ZNF724: variants seen among roughly 807,000 people sequenced by gnomAD.
ZNF724 encodes the protein zinc finger protein 724, also known as zinc finger protein 724 pseudogene.
ZNF724 carries 14 observed loss-of-function variants against 29.3 expected under a neutral mutation model. That is an observed-to-expected ratio of 0.48 (90% CI 0.32 to 0.75). The LOEUF (loss-of-function observed/expected upper bound fraction) is 0.75, where lower values mean the gene tolerates loss of function less well. Ranked by LOEUF, ZNF724 falls within the 30% of genes least tolerant of loss-of-function variation. The pLI is 0.04. For synonymous variants in ZNF724, 180 were observed against 193.6 expected, an observed-to-expected ratio of 0.93 and a Z score of 0.58; for missense variants, 557 against 571.2, an observed-to-expected ratio of 0.98 and a Z score of 0.25.
intron 1 of ZNF724, among the ~76,000 whole-genome samples, chr19:23,240,836 A>T (rs550403217): frequency 6.6e-6 from 1 of 152,174 alleles, no homozygotes; most frequent in South Asian, 2.1e-4. Flanking sequence ...GTTCAAAACC[A>T]GCCTGACCAA....
intron 3 of ZNF724, among the ~76,000 whole-genome samples, chr19:23,229,041 G>T (rs1971889004): frequency 6.6e-6 from 1 of 151,222 alleles, no homozygotes. Flanking sequence ...CCAGTCTGAG[G>T]AACAGAGTGA....
chr19:23,234,960 C>T (rs559251206), intron 1 of ZNF724, among the ~76,000 whole-genome samples: 1 of 152,194 alleles, frequency 6.6e-6, no homozygotes, highest in Non-Finnish European at 1.5e-5. Context: ...GCACTCTTGT[C>T]ACAACACAAA....
intron 1 of ZNF724, among the ~76,000 whole-genome samples, chr19:23,246,658 G>GAA (rs879693051): frequency 7.2e-6 from 1 of 139,800 alleles, no homozygotes; most frequent in African/African-American, 2.6e-5. Context: ...TGTCTCAGGG[G>GAA]AAAAAAAAAA....
intron 3 of ZNF724, among the ~76,000 whole-genome samples, chr19:23,228,955 T>TG (rs1568340072): frequency 6.7e-6 from 1 of 150,220 alleles, no homozygotes; most frequent in South Asian, 2.1e-4. Flanking sequence ...TCCCAGCTAC[T>TG]GGGGGGCTGA....
chr19:23,224,476 G>C (rs546660894), intron 3 of ZNF724, among the ~76,000 whole-genome samples: 9 of 152,006 alleles, frequency 5.9e-5, no homozygotes, highest in Non-Finnish European at 1.3e-4. Flanking sequence ...TTTCCTTATA[G>C]ACATATAAAT....
intron 1 of ZNF724, 110 bp downstream of exon 1, chr19:23,250,130 C>T (rs906282284): frequency 1.8e-6 from 1 of 549,338 alleles, no homozygotes; most frequent in African/African-American, 1.9e-5. Flanking sequence ...GAACTCAGGG[C>T]GCAGTTTGTG....
rs755898106 is a variant in ZNF724 at position 23,221,939 on chromosome 19, A to T, written c.*446T>A. 6.2e-6 allele frequency: 1 copy of T among 160,922 alleles called. No individual in the cohort carries two copies. The highest frequency in any genetic ancestry group is 1.7e-4 in the South Asian group (1 of 5,774). The allele number at this position is 160,922 out of a possible 1,614,324, so 10.0% of individuals were successfully genotyped here. ...ATACTCTTCTTCACTTTAAAGGCTT[A>T]TATTTTCTGAAAAATCTATTGACAG... On this transcript the variant is annotated 3_prime_UTR_variant, in exon 4 of 4. Coordinates refer to ENST00000418100, the MANE Select transcript of ZNF724 (RefSeq NM_001355404.2).
At chr19:23,249,992 C>G (rs1189984461) in intron 1 of ZNF724, among the ~76,000 whole-genome samples, 1 of 152,176 alleles carries the variant, frequency 6.6e-6, no homozygotes, top group Non-Finnish European at 1.5e-5. Flanking sequence ...GGGAGCAGAG[C>G]TGCCCAGAGA....
At chr19:23,238,474 AAT>A (rs1363026303) in intron 1 of ZNF724, among the ~76,000 whole-genome samples, 1 of 152,268 alleles carries the variant, frequency 6.6e-6, no homozygotes, top group Non-Finnish European at 1.5e-5. Context: ...TTTAGCTGTA[AAT>A]ATGATTTACA....
At chr19:23,236,055 T>C (rs1377351796) in intron 1 of ZNF724, among the ~76,000 whole-genome samples, 1 of 152,196 alleles carries the variant, frequency 6.6e-6, no homozygotes, top group Non-Finnish European at 1.5e-5. Flanking sequence ...TAATTGGTTA[T>C]AATCAATGAC....
rs1400925810 is a variant in ZNF724, at chr19:23,223,523, A to C, written c.722T>G (p.Leu241Arg). ...CGIAFNKSSHLNTHKIIHTGE... is the reference protein window; with the variant it reads ...CGIAFNKSSHRNTHKIIHTGE... ...AGTATGAATTATCTTATGTGTGTTA[A>C]GGTGTGAGGACTTGTTAAAGGCTAT... Residue 241 changes from leucine to arginine, a missense_variant, in exon 4 of 4, where the codon CTT becomes CGT. Transcript: ENST00000418100. 2.7e-6 allele frequency: 2 copies of C among 743,824 alleles called. No individual in the cohort carries two copies. Among genetic ancestry groups the C allele is most frequent in the East Asian group, 2.5e-5 (1 of 39,428 alleles). The allele number at this position is 743,824 out of a possible 1,614,324, so 46.1% of individuals were successfully genotyped here. A position where few individuals can be genotyped will look rare whatever the true frequency, so the allele number is the denominator to read the frequency against.
chr19:23,225,516 G>A (rs1971810754), intron 3 of ZNF724, among the ~76,000 whole-genome samples: 1 of 152,164 alleles, frequency 6.6e-6, no homozygotes, highest in East Asian at 1.9e-4. Flanking sequence ...TGAGGTGGCA[G>A]AATTGCCTGA....
At chr19:23,230,605 C>T (rs181674225) in intron 3 of ZNF724, among the ~76,000 whole-genome samples, 1 of 152,178 alleles carries the variant, frequency 6.6e-6, no homozygotes, top group East Asian at 1.9e-4. Flanking sequence ...AATAGTTTAA[C>T]ACAGAGTTTC....
rs983441488 is a variant in ZNF724 at position 23,223,854 on chromosome 19, T to C, written c.391A>G (p.Asn131Asp). 2 of 779,948 alleles carry C rather than the reference T, an allele frequency of 2.6e-6. No homozygotes were observed. The highest frequency in any genetic ancestry group is 4.8e-6 in the Non-Finnish European group (2 of 417,730). 48.3% of individuals were successfully genotyped at this position (779,948 alleles called of 1,614,324 possible). A position where few individuals can be genotyped will look rare whatever the true frequency, so the allele number is the denominator to read the frequency against. The change falls in exon 4 of 4, where the codon AAT becomes GAT. Residue 131 changes from asparagine (N) to aspartate (D), a missense_variant. By Grantham distance (23) the Asn-to-Asp change is conservative. Around this residue, in one of 3 missense-constraint regions of ZNF724, gnomAD observed 362 missense variants for 295.5 expected, o/e 1.22. Coordinates refer to ENST00000418100, the MANE Select transcript of ZNF724 (RefSeq NM_001355404.2). ...DEYKVHKGSYNGFNQCLTTTQ... is the reference protein window; with the variant it reads ...DEYKVHKGSYDGFNQCLTTTQ... ...GTTGTCAAACACTGGTTAAATCCAT[T>C]ATAACTTCCTTTGTGCACCTTGTAC...
At position 23,222,099 on chromosome 19, in the gene ZNF724, A is replaced by G. The variant is rs1001930688; in HGVS notation, c.*286T>C. ...AAGTATACATCATTTCCTGTCCAAT[A>G]AAGTGTCAGCATTGGTTAAAAGTTT... is the stretch of plus-strand genomic sequence containing the variant. On this transcript the variant is annotated 3_prime_UTR_variant, in exon 4 of 4. Coordinates refer to ENST00000418100, the MANE Select transcript of ZNF724 (RefSeq NM_001355404.2). 4 of 345,082 alleles carry G rather than the reference A, an allele frequency of 1.2e-5. No individual in the cohort carries two copies. The highest frequency in any genetic ancestry group is 4.2e-5 in the African/African-American group (2 of 47,924). 21.4% of individuals were successfully genotyped at this position (345,082 alleles called of 1,614,324 possible). A position where few individuals can be genotyped will look rare whatever the true frequency, so the allele number is the denominator to read the frequency against.
At chr19:23,239,152 C>CTA (rs1345646932) in intron 1 of ZNF724, among the ~76,000 whole-genome samples, 1 of 152,148 alleles carries the variant, frequency 6.6e-6, no homozygotes, top group Admixed American at 6.6e-5. Context: ...CCCACAGACA[C>CTA]TATTACATCA....
At chr19:23,237,727 A>AAAAAG (rs1555725082) in intron 1 of ZNF724, among the ~76,000 whole-genome samples, 4 of 151,392 alleles carry the variant, frequency 2.6e-5, no homozygotes, top group Admixed American at 6.6e-5. Flanking sequence ...TAAAAAAAAA[A>AAAAAG]AAAAAAGAAA....
At position 23,231,368 on chromosome 19, in the gene ZNF724, T is replaced by C; in HGVS notation, c.131-7A>G. ...GGCTTAGAGACAGCAATACCTGTTT[T>C]ATTAAAAATAAATAACATGAATGTT... On this transcript the variant is annotated splice_region_variant and splice_polypyrimidine_tract_variant and intron_variant, in intron 2 of 3. Transcript: ENST00000418100. 2.2e-6 allele frequency: 3 copies of C among 1,345,506 alleles called. No individual in the cohort carries two copies. Among genetic ancestry groups the C allele is most frequent in the Non-Finnish European group, 3.2e-6 (3 of 946,168 alleles). The allele number at this position is 1,345,506 out of a possible 1,614,324, so 83.3% of individuals were successfully genotyped here.
At chr19:23,241,883 G>A (rs756980760) in intron 1 of ZNF724, among the ~76,000 whole-genome samples, 1 of 152,188 alleles carries the variant, frequency 6.6e-6, no homozygotes, top group Non-Finnish European at 1.5e-5. Context: ...GTCCTGGCTA[G>A]AGAAATCAGG....
Sources: allele counts gnomAD v4.1 joint callset (sites outside exome capture counted in the v4.1 genomes callset), GRCh38; gene constraint gnomAD v4.1.1; regional missense constraint gnomAD v4.1.1; transcripts MANE v1.5; gene names NCBI Gene and HGNC (gene_info 2026-07-23, HGNC 2026-07-21).